TBCK: variants seen among roughly 807,000 people sequenced by gnomAD.
TBCK encodes the protein TBC domain-containing protein kinase-like protein.
In TBCK, 99 loss-of-function variants were observed where a neutral mutation model predicts 113.4. The ratio of observed to expected loss-of-function variants is 0.87; its 90% CI spans 0.74 to 1.03. The LOEUF (loss-of-function observed/expected upper bound fraction) is 1.03, where lower values mean the gene tolerates loss of function less well. Among genes scored for constraint, TBCK ranks in the 50% least tolerant of loss-of-function variants. The pLI is 0.00. For synonymous variants in TBCK, 369 were observed against 370.8 expected (o/e 1.00, Z 0.05); for missense variants, 1,045 against 1,061.3 (o/e 0.98, Z 0.21).
chr4:106,098,577 A>T (rs1222492034), intron 24 of TBCK, among the ~76,000 whole-genome samples: 1 of 152,086 alleles, frequency 6.6e-6, no homozygotes, highest in African/African-American at 2.4e-5. Context: ...GTTAAAAGAT[A>T]AAAAACATCA....
intron 2 of TBCK, among the ~76,000 whole-genome samples, chr4:106,298,670 T>C (rs1377734226): frequency 6.6e-6 from 1 of 152,012 alleles, no homozygotes; most frequent in African/African-American, 2.4e-5. Context: ...GTGAAAGTTC[T>C]CGACTTGATA....
intron 25 of TBCK, among the ~76,000 whole-genome samples, chr4:106,080,621 A>G (rs1373844673): frequency 6.6e-6 from 1 of 152,206 alleles, no homozygotes; most frequent in Non-Finnish European, 1.5e-5. Context: ...GAAAGGATTT[A>G]TGACTAATTC....
At chr4:106,310,510 C>A (rs978781463) in intron 1 of TBCK, 1 of 151,980 alleles carries the variant, frequency 6.6e-6, no homozygotes, top group African/African-American at 2.4e-5. Context: ...ATTTACACTC[C>A]ATGAAAAAAA....
chr4:106,312,196 A>T (rs865842394), intron 1 of TBCK, among the ~76,000 whole-genome samples: 1 of 152,154 alleles, frequency 6.6e-6, no homozygotes, highest in Non-Finnish European at 1.5e-5. Flanking sequence ...ATGTATATAT[A>T]TGACCTTTTA....
At chr4:106,155,377 CT>C (rs1749005225) in intron 23 of TBCK, among the ~76,000 whole-genome samples, 2 of 152,134 alleles carry the variant, frequency 1.3e-5, no homozygotes, top group East Asian at 3.9e-4. Flanking sequence ...TCTTCTTGTA[CT>C]TGAATATTGA....
At chr4:106,222,196 T>C (rs375716081) in intron 19 of TBCK, among the ~76,000 whole-genome samples, 1 of 152,188 alleles carries the variant, frequency 6.6e-6, no homozygotes, top group East Asian at 1.9e-4. Context: ...CATTTTATAT[T>C]TGTAAAACCT....
intron 19 of TBCK, among the ~76,000 whole-genome samples, chr4:106,214,294 T>A (rs919083306): frequency 6.6e-6 from 1 of 151,970 alleles, no homozygotes; most frequent in African/African-American, 2.4e-5. Flanking sequence ...AACTGGAAAC[T>A]CTAAAAATCA....
chr4:106,206,728 G>A (rs1188876320), intron 20 of TBCK, among the ~76,000 whole-genome samples: 1 of 152,042 alleles, frequency 6.6e-6, no homozygotes, highest in Non-Finnish European at 1.5e-5. Flanking sequence ...ACAAATGAAG[G>A]AACAAATACA....
chr4:106,286,954 C>T (rs1320220218), intron 3 of TBCK, among the ~76,000 whole-genome samples: 1 of 152,108 alleles, frequency 6.6e-6, no homozygotes, highest in Non-Finnish European at 1.5e-5. Context: ...GGAAATTTAT[C>T]TTTTGAATCA....
chr4:106,221,226 C>A (rs1160865997), intron 19 of TBCK, among the ~76,000 whole-genome samples: 1 of 152,172 alleles, frequency 6.6e-6, no homozygotes, highest in African/African-American at 2.4e-5. Flanking sequence ...CTCAGGTGAT[C>A]TGCCCGGCTT....
intron 20 of TBCK, among the ~76,000 whole-genome samples, chr4:106,197,826 G>A (rs1374730559): frequency 6.6e-6 from 1 of 151,996 alleles, no homozygotes; most frequent in Non-Finnish European, 1.5e-5. Flanking sequence ...AGGTATAAAA[G>A]TAAGTCTGAT....
intron 25 of TBCK, among the ~76,000 whole-genome samples, chr4:106,057,076 G>A (rs146717047): frequency 1.3e-5 from 2 of 151,794 alleles, no homozygotes; most frequent in South Asian, 4.1e-4. Flanking sequence ...TAACAGCAGG[G>A]GATTATTTCC....
At chr4:106,316,404 G>A (rs572939032), upstream of TBCK, 101 of 751,140 alleles carry the variant, frequency 1.3e-4, no homozygotes, top group Non-Finnish European at 2.2e-4. Context: ...AAGACGAGGA[G>A]CGTGGTATGG....
chr4:106,247,081 A>C, intron 10 of TBCK, 58 bp downstream of exon 10: 2 of 1,537,944 alleles, frequency 1.3e-6, no homozygotes, highest in Non-Finnish European at 1.8e-6. Flanking sequence ...AAGTAGGACA[A>C]GGAAACTTCT....
intron 2 of TBCK, among the ~76,000 whole-genome samples, chr4:106,304,237 C>T (rs561020623): frequency 6.6e-6 from 1 of 152,250 alleles, no homozygotes; most frequent in South Asian, 2.1e-4. Context: ...TGAACCTCTT[C>T]ATTCTTCAGT....
At chr4:106,158,111 T>C (rs1749334994) in intron 23 of TBCK, among the ~76,000 whole-genome samples, 1 of 152,210 alleles carries the variant, frequency 6.6e-6, no homozygotes, top group Non-Finnish European at 1.5e-5. Flanking sequence ...TTGGGACTTT[T>C]AGACCATGTT....
At position 106,045,010 on chromosome 4, in the gene TBCK, T is replaced by C. The variant is rs1734091197; in HGVS notation, c.*1560A>G. ...TAAAGGATATGCTATATTTCATATA[T>C]ATGAGGCATTTTTTTTTTCAGATTT... On this transcript the variant is annotated 3_prime_UTR_variant, in exon 26 of 26. Transcript: ENST00000394708. 7.4e-6 allele frequency: 1 copy of C among 134,814 alleles called. No individual in the cohort carries two copies. Among genetic ancestry groups the C allele is most frequent in the Non-Finnish European group, 1.6e-5 (1 of 60,860 alleles). The allele number at this position is 134,814 out of a possible 1,614,324, so 8.4% of individuals were successfully genotyped here.
At chr4:106,252,355 T>C (rs1044753220) in intron 5 of TBCK, among the ~76,000 whole-genome samples, 1 of 151,838 alleles carries the variant, frequency 6.6e-6, no homozygotes, top group Non-Finnish European at 1.5e-5. Flanking sequence ...ATATTTAAAG[T>C]GCATTTTATC....
At chr4:106,226,157 T>C (rs1169666453) in intron 19 of TBCK, among the ~76,000 whole-genome samples, 1 of 152,070 alleles carries the variant, frequency 6.6e-6, no homozygotes, top group Non-Finnish European at 1.5e-5. Context: ...GAGCCAGACC[T>C]TGTATCAAAA....
Sources: gnomAD v4.1 joint callset for allele counts (sites outside exome capture counted in the v4.1 genomes callset) on GRCh38, gnomAD v4.1.1 for gene constraint, MANE v1.5 for transcripts, NCBI Gene and HGNC (gene_info 2026-07-23, HGNC 2026-07-21) for gene names.